The following NELL1 variants were observed in gnomAD, a reference collection of about 807,000 sequenced individuals.
NELL1 encodes protein kinase C-binding protein NELL1.
A neutral mutation model predicts 107.4 loss-of-function variants in NELL1; 76 were observed. The observed-to-expected ratio is 0.71, with a 90% CI of 0.59 to 0.86. NELL1 has a LOEUF of 0.86. Ranked by LOEUF, NELL1 falls within the 40% of genes least tolerant of loss-of-function variation. The pLI is 0.00. For missense variants in NELL1, 1,024 were observed against 1,005.5 expected (o/e 1.02, Z -0.25); for synonymous variants, 353 against 341.2 (o/e 1.03, Z -0.38).
At chr11:21,218,232 A>G (rs1156816592) in intron 13 of NELL1, among the ~76,000 whole-genome samples, 1 of 152,108 alleles carries the variant, frequency 6.6e-6, no homozygotes, top group Non-Finnish European at 1.5e-5. Flanking sequence ...ATTTCTTTGG[A>G]CCTGCAAAGA....
intron 12 of NELL1, among the ~76,000 whole-genome samples, chr11:21,053,504 A>G (rs1298560717): frequency 1.3e-5 from 2 of 152,070 alleles, no homozygotes; most frequent in East Asian, 3.9e-4. Context: ...AGCTTTCTTC[A>G]AGAGCCTTGA....
chr11:20,813,186 T>C (rs933960144), intron 3 of NELL1, among the ~76,000 whole-genome samples: 1 of 152,184 alleles, frequency 6.6e-6, no homozygotes, highest in African/African-American at 2.4e-5. Flanking sequence ...ATTTTTCTTA[T>C]GACCATGGGT....
At chr11:20,808,356 A>G (rs998977690) in intron 3 of NELL1, among the ~76,000 whole-genome samples, 6 of 152,148 alleles carry the variant, frequency 3.9e-5, no homozygotes, top group South Asian at 4.1e-4. Flanking sequence ...CTGGTGTCCT[A>G]TCCTACTGTG....
At chr11:21,440,308 T>G (rs1314615117) in intron 15 of NELL1, among the ~76,000 whole-genome samples, 1 of 152,064 alleles carries the variant, frequency 6.6e-6, no homozygotes, top group Admixed American at 6.6e-5. Context: ...AAGTAAGTTT[T>G]TTTTTTTTGA....
intron 14 of NELL1, among the ~76,000 whole-genome samples, chr11:21,241,599 C>T (rs980073667): frequency 6.6e-6 from 1 of 152,038 alleles, no homozygotes; most frequent in Non-Finnish European, 1.5e-5. Flanking sequence ...AAATAATGTA[C>T]AAGTGTCAGC....
chr11:21,472,506 A>G (rs1481944604), intron 15 of NELL1, among the ~76,000 whole-genome samples: 1 of 151,992 alleles, frequency 6.6e-6, no homozygotes, highest in Admixed American at 6.6e-5. Context: ...TACTGAGAGC[A>G]TGTTCTAAGA....
chr11:21,127,607 A>C lies in NELL1; in HGVS notation c.1426+13893A>C, dbSNP rs181733365. 3.5e-4 allele frequency among the ~76,000 whole-genome samples: 53 copies of C among 150,340 alleles called. 1 individual carries two copies. In the East Asian group the frequency reaches 0.01, roughly 30 times the overall value. On this transcript the variant is annotated intron_variant, in intron 13 of 19. Transcript: ENST00000357134. Reference sequence around the variant, plus strand: ...GAGGAAGAGGAGGAAGAGGAAGAAGAGGAAGAGGAAGAAGAAGAGGAGGAA... The same window carrying C: ...GAGGAAGAGGAGGAAGAGGAAGAAGCGGAAGAGGAAGAAGAAGAGGAGGAA...
At chr11:20,853,705 A>G (rs531448340) in intron 4 of NELL1, among the ~76,000 whole-genome samples, 1 of 152,346 alleles carries the variant, frequency 6.6e-6, no homozygotes, top group Non-Finnish European at 1.5e-5. Context: ...AGTGGCTTAT[A>G]TCCCATGGAT....
intron 2 of NELL1, among the ~76,000 whole-genome samples, chr11:20,724,866 G>A (rs571290064): frequency 2.0e-5 from 3 of 152,226 alleles, no homozygotes; most frequent in East Asian, 3.9e-4. Flanking sequence ...CCTGACACTG[G>A]GTAATTTATA....
chr11:20,783,086 G>A (rs1209929753), intron 2 of NELL1, among the ~76,000 whole-genome samples: 1 of 152,152 alleles, frequency 6.6e-6, no homozygotes, highest in East Asian at 1.9e-4. Flanking sequence ...GTATTTATTC[G>A]TTAAGCAAAG....
intron 13 of NELL1, among the ~76,000 whole-genome samples, chr11:21,150,685 T>C (rs1856095065): frequency 6.6e-6 from 1 of 152,192 alleles, no homozygotes; most frequent in African/African-American, 2.4e-5. Flanking sequence ...AATTTTTTAA[T>C]TGCTGAGGGA....
intron 15 of NELL1, among the ~76,000 whole-genome samples, chr11:21,529,717 T>C (rs1855948609): frequency 6.6e-6 from 1 of 152,270 alleles, no homozygotes; most frequent in Middle Eastern, 3.4e-3. Context: ...GATTGCAAGT[T>C]GATATTATTA....
rs566366329 is a variant in NELL1, at chr11:21,087,561, A to G, written c.1301-26028A>G. On this transcript the variant is annotated intron_variant, in intron 12 of 19. Coordinates refer to ENST00000357134, the MANE Select transcript of NELL1 (RefSeq NM_006157.5). ...GTAAGAACTTCTTTGCTTTTCTCTA[A>G]TATCATTTATGAATGTTCAAAACCT... is the stretch of plus-strand genomic sequence containing the variant. Among the ~76,000 whole-genome samples the G allele has an allele frequency of 1.2e-3, 184 of 152,248 alleles. 1 individual carries two copies. The highest frequency in any genetic ancestry group is 4.4e-3 in the African/African-American group (181 of 41,544).
intron 4 of NELL1, among the ~76,000 whole-genome samples, chr11:20,865,220 C>G (rs561712791): frequency 3.3e-5 from 5 of 152,310 alleles, no homozygotes; most frequent in Non-Finnish European, 7.3e-5. Context: ...TTTGCAGGAT[C>G]CACGAAGCTG....
intron 15 of NELL1, among the ~76,000 whole-genome samples, chr11:21,449,222 C>T (rs925037773): frequency 6.6e-6 from 1 of 152,144 alleles, no homozygotes; most frequent in Non-Finnish European, 1.5e-5. Context: ...ACCTGGGGTA[C>T]AGTCAGTCTT....
At chr11:20,808,371 A>G (rs1032758943) in intron 3 of NELL1, among the ~76,000 whole-genome samples, 8 of 152,164 alleles carry the variant, frequency 5.3e-5, no homozygotes, top group Non-Finnish European at 1.5e-5. Context: ...ACTGTGACTG[A>G]GCTGGTATCC....
chr11:20,806,125 CTT>C (rs1278998372), intron 3 of NELL1, among the ~76,000 whole-genome samples: 176 of 134,826 alleles, frequency 1.3e-3, no homozygotes, highest in African/African-American at 4.2e-3. Context: ...TATTAATGTC[CTT>C]TTTTTTTTTT....
intron 5 of NELL1, among the ~76,000 whole-genome samples, chr11:20,894,182 G>C (rs1849676972): frequency 1.3e-5 from 2 of 152,118 alleles, no homozygotes; most frequent in Admixed American, 6.6e-5. Flanking sequence ...GCTTATAAAA[G>C]ATAATGTAGG....
intron 15 of NELL1, among the ~76,000 whole-genome samples, chr11:21,464,614 G>T (rs1853981216): frequency 6.6e-6 from 1 of 151,954 alleles, no homozygotes; most frequent in Non-Finnish European, 1.5e-5. Context: ...AAAATGTTGG[G>T]GACCACTGGA....
Sources: gnomAD v4.1 joint callset for allele counts (sites outside exome capture counted in the v4.1 genomes callset) on GRCh38, gnomAD v4.1.1 for gene constraint, MANE v1.5 for transcripts, NCBI Gene and HGNC (gene_info 2026-07-23, HGNC 2026-07-21) for gene names.